Variants in ITCH observed in about 807,000 individuals in gnomAD.
The protein encoded by ITCH is E3 ubiquitin-protein ligase Itchy homolog.
In ITCH, 28 loss-of-function variants were observed where a neutral mutation model predicts 126.8. The observed-to-expected ratio is 0.22, with a 90% CI of 0.16 to 0.30. The LOEUF is 0.30. ITCH is among the 10% of genes least tolerant of loss of function. The pLI, the probability that ITCH is intolerant of heterozygous loss-of-function variation, is 1.00. For synonymous variants in ITCH, 342 were observed against 340.0 expected (o/e 1.01, Z -0.06); for missense variants, 631 against 1,032.4 (o/e 0.61, Z 5.33).
chr20:34,376,614 C>T (rs907845844), intron 2 of ITCH, among the ~76,000 whole-genome samples: 1 of 151,966 alleles, frequency 6.6e-6, no homozygotes, highest in Non-Finnish European at 1.5e-5. Context: ...GAATGGACTT[C>T]AGGGGGTGGA....
At chr20:34,364,624 T>G (rs956381806) in intron 1 of ITCH, among the ~76,000 whole-genome samples, 8 of 150,598 alleles carry the variant, frequency 5.3e-5, no homozygotes, top group Non-Finnish European at 1.2e-4. Flanking sequence ...CTCACGCCTG[T>G]AATCCTAGCA....
intron 4 of ITCH, among the ~76,000 whole-genome samples, chr20:34,410,197 A>G (rs904831861): frequency 6.6e-6 from 1 of 151,980 alleles, no homozygotes; most frequent in African/African-American, 2.4e-5. Context: ...GTGAAACCCC[A>G]TCTCTACTAA....
intron 7 of ITCH, among the ~76,000 whole-genome samples, chr20:34,430,758 G>GT (rs1982180477): frequency 6.6e-6 from 1 of 152,184 alleles, no homozygotes. Flanking sequence ...GATTACAGGC[G>GT]TGAGTCACCA....
chr20:34,380,001 A>G (rs1044118991), intron 2 of ITCH, among the ~76,000 whole-genome samples: 11 of 148,462 alleles, frequency 7.4e-5, no homozygotes, highest in African/African-American at 2.5e-4. Flanking sequence ...GGTTCAAGCA[A>G]TTCTCCTGCC....
intron 6 of ITCH, among the ~76,000 whole-genome samples, chr20:34,418,160 T>C (rs1179210694): frequency 6.6e-6 from 1 of 151,912 alleles, no homozygotes; most frequent in Non-Finnish European, 1.5e-5. Flanking sequence ...AGACAGGTTC[T>C]CACTCTGTTG....
Position 34,372,798 on chromosome 20 carries a change from G to C in ITCH, c.-22+3328G>C, listed in dbSNP as rs117306779. On this transcript the variant is annotated intron_variant, in intron 2 of 24. Coordinates refer to ENST00000374864, the MANE Select transcript of ITCH (RefSeq NM_031483.7). ...GAGCTGCTATTGTGCTAGGTTCCAAGGGGTACTCAAATATAAAACTCCTGG... is the reference window on the plus strand; with the variant it reads ...GAGCTGCTATTGTGCTAGGTTCCAACGGGTACTCAAATATAAAACTCCTGG... 6.9e-3 allele frequency among the ~76,000 whole-genome samples: 1,053 copies of C among 152,204 alleles called. 6 individuals are homozygous for C. Among genetic ancestry groups the C allele is most frequent in the Non-Finnish European group, 0.011 (773 of 68,012 alleles).
chr20:34,396,467 ACT>A (rs911154378), intron 3 of ITCH, among the ~76,000 whole-genome samples: 7 of 149,776 alleles, frequency 4.7e-5, no homozygotes, highest in African/African-American at 1.7e-4. Context: ...GTAGTATTTT[ACT>A]CTGTGTGTGT....
chr20:34,484,250 A>C (rs1322769166), intron 20 of ITCH, among the ~76,000 whole-genome samples: 6 of 152,206 alleles, frequency 3.9e-5, no homozygotes, highest in African/African-American at 1.4e-4. Context: ...AAGAGCTAAT[A>C]GTTCATTCAT....
Position 34,367,844 on chromosome 20 carries a change from G to A in ITCH, c.-98-1550G>A, listed in dbSNP as rs905695135. ...TTTACAAAGATCAATGTGCACTACT[G>A]AAGAGCTTCTGGTATTAGACTAGAA... On this transcript the variant is annotated intron_variant, in intron 1 of 24. Coordinates refer to ENST00000374864, the MANE Select transcript of ITCH (RefSeq NM_031483.7). 3.3e-5 allele frequency among the ~76,000 whole-genome samples: 5 copies of A among 152,328 alleles called. No individual in the cohort carries two copies. In the East Asian group the frequency reaches 5.8e-4, roughly 18 times the overall value.
chr20:34,459,394 A>T (rs1430521593), intron 13 of ITCH, among the ~76,000 whole-genome samples: 1 of 152,084 alleles, frequency 6.6e-6, no homozygotes, highest in Non-Finnish European at 1.5e-5. Context: ...TTTTGTCTCC[A>T]GTCCTTACTG....
At chr20:34,486,283 G>T (rs1236312535) in intron 20 of ITCH, among the ~76,000 whole-genome samples, 1 of 151,464 alleles carries the variant, frequency 6.6e-6, no homozygotes, top group African/African-American at 2.4e-5. Flanking sequence ...GTCTCCCAAA[G>T]TGCTGGAATT....
chr20:34,410,347 C>A (rs931194725), intron 4 of ITCH, among the ~76,000 whole-genome samples: 6 of 150,094 alleles, frequency 4.0e-5, no homozygotes, highest in African/African-American at 1.5e-4. Context: ...TGCGTTCCAG[C>A]CAGGGTGACA....
chr20:34,363,838 C>T (rs1366467558), intron 1 of ITCH, among the ~76,000 whole-genome samples: 1 of 152,162 alleles, frequency 6.6e-6, no homozygotes, highest in African/African-American at 2.4e-5. Flanking sequence ...TAGAAGGGCC[C>T]AGCACAGCGG....
intron 1 of ITCH, among the ~76,000 whole-genome samples, chr20:34,364,911 A>G (rs2037358241): frequency 6.7e-6 from 1 of 148,160 alleles, no homozygotes; most frequent in African/African-American, 2.5e-5. Flanking sequence ...AAAAAAAAAA[A>G]GCAATGGGAT....
At chr20:34,499,294 T>TAA in intron 23 of ITCH, among the ~76,000 whole-genome samples, 1 of 138,188 alleles carries the variant, frequency 7.2e-6, no homozygotes, top group Non-Finnish European at 1.6e-5. Flanking sequence ...TTTTTTTTTT[T>TAA]TTTTTTTTTT....
intron 2 of ITCH, among the ~76,000 whole-genome samples, chr20:34,373,914 C>A (rs1343434463): frequency 6.7e-6 from 1 of 149,296 alleles, no homozygotes; most frequent in Admixed American, 6.7e-5. Context: ...AAGATGCAGT[C>A]TTGCTTTGTC....
At chr20:34,478,453 T>C (rs1261465110) in intron 17 of ITCH, among the ~76,000 whole-genome samples, 2 of 152,216 alleles carry the variant, frequency 1.3e-5, no homozygotes, top group African/African-American at 4.8e-5. Flanking sequence ...GAGAATTGCT[T>C]TGCTTATTCC....
chr20:34,479,750 C>T lies in ITCH; in HGVS notation c.1779C>T (p.His593=). 1.2e-6 allele frequency: 2 copies of T among 1,614,042 alleles called. No homozygotes were observed. The highest frequency in any genetic ancestry group is 8.5e-7 in the Non-Finnish European group (1 of 1,180,000). The change falls in exon 18 of 25, where the codon CAC becomes CAT. Residue 593 remains histidine, a synonymous_variant. Coordinates refer to ENST00000374864, the MANE Select transcript of ITCH (RefSeq NM_031483.7). ...CCGCTTCTTACATCAATCCAGATCA[C>T]CTGAAATATTTTCGTTTTATTGGCA... ...INPASYINPD[H]LKYFRFIGRF...
chr20:34,368,243 C>T (rs898239108), intron 1 of ITCH, among the ~76,000 whole-genome samples: 1 of 150,314 alleles, frequency 6.7e-6, no homozygotes, highest in Non-Finnish European at 1.5e-5. Context: ...GCACTCCAGC[C>T]TGGCAACAAG....
Sources: gnomAD v4.1 joint callset for allele counts (sites outside exome capture counted in the v4.1 genomes callset) on GRCh38, gnomAD v4.1.1 for gene constraint, MANE v1.5 for transcripts, NCBI Gene and HGNC (gene_info 2026-07-23, HGNC 2026-07-21) for gene names.